The following SCFD2 variants were observed in gnomAD, a reference collection of about 807,000 sequenced individuals.
SCFD2 encodes sec1 family domain-containing protein 2.
Under a neutral mutation model 58.9 loss-of-function variants are expected in SCFD2, and 54 were observed. That is an observed-to-expected ratio of 0.92 (90% CI 0.74 to 1.15). SCFD2 has a LOEUF of 1.15. Among genes scored for constraint, SCFD2 ranks in the 50% most tolerant of loss-of-function variants. SCFD2 has a pLI of 0.00. For synonymous variants in SCFD2, 321 were observed against 335.9 expected (o/e 0.96, Z 0.49); for missense variants, 805 against 836.6 (o/e 0.96, Z 0.47).
intron 5 of SCFD2, among the ~76,000 whole-genome samples, chr4:53,018,322 A>T (rs1055361254): frequency 2.0e-5 from 3 of 152,220 alleles, no homozygotes; most frequent in Non-Finnish European, 4.4e-5. Flanking sequence ...AGATTACTAA[A>T]ATGGAAAAGG....
intron 4 of SCFD2, among the ~76,000 whole-genome samples, chr4:53,177,062 G>C (rs1222504580): frequency 6.6e-6 from 1 of 150,844 alleles, no homozygotes; most frequent in Non-Finnish European, 1.5e-5. Context: ...TTCCCTTTTT[G>C]TTAGCTTTTC....
intron 4 of SCFD2, among the ~76,000 whole-genome samples, chr4:53,166,786 G>T (rs1560365999): frequency 2.8e-5 from 4 of 141,052 alleles, no homozygotes; most frequent in Non-Finnish European, 6.1e-5. Flanking sequence ...AAGGACCAGA[G>T]ATCATTCTGA....
intron 5 of SCFD2, among the ~76,000 whole-genome samples, chr4:53,092,705 T>A (rs1458896297): frequency 6.6e-6 from 1 of 152,128 alleles, no homozygotes; most frequent in Non-Finnish European, 1.5e-5. Flanking sequence ...GGAAAAAAGC[T>A]AACCTCAAAA....
At chr4:53,268,342 T>C (rs997627488) in intron 4 of SCFD2, among the ~76,000 whole-genome samples, 1 of 152,032 alleles carries the variant, frequency 6.6e-6, no homozygotes, top group African/African-American at 2.4e-5. Flanking sequence ...TCCATACGAC[T>C]ACCAGGACCC....
At chr4:53,332,615 T>C (rs983586604) in intron 2 of SCFD2, among the ~76,000 whole-genome samples, 13 of 152,296 alleles carry the variant, frequency 8.5e-5, no homozygotes, top group Admixed American at 8.5e-4. Flanking sequence ...GTAAGAGCTA[T>C]CTATGACAAA....
chr4:52,947,185 A>G (rs301103), intron 5 of SCFD2, among the ~76,000 whole-genome samples: 14,736 of 152,208 alleles, frequency 0.097, 1,197 homozygotes, highest in African/African-American at 0.22. Context: ...CACCATCAAG[A>G]AAAATATCTG....
intron 3 of SCFD2, among the ~76,000 whole-genome samples, chr4:53,311,897 G>A (rs1732703906): frequency 6.6e-6 from 1 of 152,042 alleles, no homozygotes; most frequent in African/African-American, 2.4e-5. Flanking sequence ...GCCTCCCAAA[G>A]TGCTAGGATT....
intron 5 of SCFD2, among the ~76,000 whole-genome samples, chr4:53,085,661 A>G (rs925044793): frequency 4.6e-5 from 7 of 152,188 alleles, no homozygotes; most frequent in African/African-American, 1.4e-4. Flanking sequence ...TAACCAAAAT[A>G]GCATGGCACT....
chr4:53,191,263 C>G (rs1391428477), intron 4 of SCFD2, among the ~76,000 whole-genome samples: 1 of 151,692 alleles, frequency 6.6e-6, no homozygotes, highest in Non-Finnish European at 1.5e-5. Flanking sequence ...TGAGATCGTG[C>G]CACTGTACTC....
chr4:53,231,305 A>G (rs1729431674), intron 4 of SCFD2, among the ~76,000 whole-genome samples: 1 of 152,158 alleles, frequency 6.6e-6, no homozygotes, highest in African/African-American at 2.4e-5. Flanking sequence ...AAGCCGCACA[A>G]CAGCACAGAT....
intron 5 of SCFD2, among the ~76,000 whole-genome samples, chr4:52,985,284 G>A (rs1325637075): frequency 3.3e-5 from 5 of 152,208 alleles, no homozygotes; most frequent in African/African-American, 9.6e-5. Flanking sequence ...GAAACAGCCA[G>A]CATTCTTCTG....
chr4:53,232,904 T>C (rs1301607203), intron 4 of SCFD2, among the ~76,000 whole-genome samples: 7 of 152,148 alleles, frequency 4.6e-5, no homozygotes, highest in Admixed American at 3.9e-4. Flanking sequence ...CAGAGGGAGA[T>C]AGCAAGGCAT....
chr4:52,895,874 T>C (rs192358095), intron 7 of SCFD2, among the ~76,000 whole-genome samples: 2 of 152,356 alleles, frequency 1.3e-5, no homozygotes, highest in East Asian at 3.9e-4. Context: ...TGAGATGATA[T>C]CTCACTGTGG....
intron 7 of SCFD2, among the ~76,000 whole-genome samples, chr4:52,900,530 G>T (rs537416197): frequency 6.6e-6 from 1 of 152,344 alleles, no homozygotes; most frequent in East Asian, 1.9e-4. Flanking sequence ...ACCCGGCCGT[G>T]TGAGGTGTCA....
chr4:53,025,049 G>A (rs915916314), intron 5 of SCFD2, among the ~76,000 whole-genome samples: 7 of 152,040 alleles, frequency 4.6e-5, no homozygotes, highest in African/African-American at 9.7e-5. Context: ...GCATCTCCAC[G>A]GCCCCTCTGT....
chr4:53,019,284 T>G (rs1722290179), intron 5 of SCFD2, among the ~76,000 whole-genome samples: 1 of 152,196 alleles, frequency 6.6e-6, no homozygotes, highest in African/African-American at 2.4e-5. Flanking sequence ...AACAAACTTT[T>G]GAAAATGAAT....
intron 5 of SCFD2, among the ~76,000 whole-genome samples, chr4:53,033,791 A>G (rs2148820104): frequency 6.6e-6 from 1 of 152,292 alleles, no homozygotes; most frequent in Admixed American, 6.5e-5. Flanking sequence ...CCCTGAATAA[A>G]GCATAACAAG....
chr4:53,160,562 G>A (rs373085122), intron 4 of SCFD2, among the ~76,000 whole-genome samples: 1 of 152,234 alleles, frequency 6.6e-6, no homozygotes, highest in African/African-American at 2.4e-5. Context: ...AAACACAGAG[G>A]ACAGAATTGG....
chr4:53,051,926 A>G (rs558296705), intron 5 of SCFD2, among the ~76,000 whole-genome samples: 4 of 152,328 alleles, frequency 2.6e-5, no homozygotes, highest in African/African-American at 7.2e-5. Context: ...TGAGGCCATT[A>G]AAGAATAATG....
Sources: gnomAD v4.1 joint callset for allele counts (sites outside exome capture counted in the v4.1 genomes callset) on GRCh38, gnomAD v4.1.1 for gene constraint, MANE v1.5 for transcripts, NCBI Gene and HGNC (gene_info 2026-07-23, HGNC 2026-07-21) for gene names.